Variants in GRID1 observed in about 807,000 individuals in gnomAD.
GRID1 encodes the protein glutamate ionotropic receptor delta type subunit 1.
A neutral mutation model predicts 98.0 loss-of-function variants in GRID1; 28 were observed. That is an observed-to-expected ratio of 0.29 (90% CI 0.21 to 0.39). The LOEUF is 0.39. GRID1 is among the 10% of genes least tolerant of loss of function. The pLI is 1.00. For synonymous variants in GRID1, 553 were observed against 538.5 expected, an observed-to-expected ratio of 1.03 and a Z score of -0.37; for missense variants, 1,111 against 1,340.5, an observed-to-expected ratio of 0.83 and a Z score of 2.67.
chr10:86,033,012 G>T (rs1304038978), intron 4 of GRID1, among the ~76,000 whole-genome samples: 1 of 151,736 alleles, frequency 6.6e-6, no homozygotes, highest in Non-Finnish European at 1.5e-5. Flanking sequence ...GGAGGGAGAA[G>T]AAATTTTGCA....
intron 2 of GRID1, among the ~76,000 whole-genome samples, chr10:86,341,342 G>A (rs917124242): frequency 5.9e-5 from 9 of 152,118 alleles, no homozygotes; most frequent in African/African-American, 1.9e-4. Flanking sequence ...AAACAGTCCC[G>A]GAGGATGGAG....
At chr10:85,918,466 G>A (rs1479279832) in intron 4 of GRID1, among the ~76,000 whole-genome samples, 1 of 152,220 alleles carries the variant, frequency 6.6e-6, no homozygotes, top group East Asian at 1.9e-4. Context: ...GGAAAGGAGG[G>A]TGTGGGAGGA....
intron 4 of GRID1, among the ~76,000 whole-genome samples, chr10:86,070,994 G>A (rs990374143): frequency 5.3e-5 from 8 of 152,182 alleles, no homozygotes; most frequent in African/African-American, 1.9e-4. Context: ...CTGACCCCAA[G>A]CTGACACACT....
At chr10:85,976,577 T>TCTAG (rs1842475933) in intron 4 of GRID1, among the ~76,000 whole-genome samples, 1 of 152,178 alleles carries the variant, frequency 6.6e-6, no homozygotes, top group South Asian at 2.1e-4. Flanking sequence ...GACCTACCCA[T>TCTAG]CTAGCTCCCC....
intron 14 of GRID1, among the ~76,000 whole-genome samples, chr10:85,617,959 C>A (rs1842811047): frequency 6.6e-6 from 1 of 152,202 alleles, no homozygotes; most frequent in South Asian, 2.1e-4. Flanking sequence ...AAGGACATCT[C>A]ACTCCTTCTG....
chr10:86,112,496 A>G (rs1427842134), intron 4 of GRID1, among the ~76,000 whole-genome samples: 1 of 151,784 alleles, frequency 6.6e-6, no homozygotes, highest in African/African-American at 2.4e-5. Flanking sequence ...GCAATGAAAT[A>G]GGTTCCAAAT....
intron 4 of GRID1, among the ~76,000 whole-genome samples, chr10:85,947,758 T>G (rs940935318): frequency 6.6e-6 from 1 of 152,248 alleles, no homozygotes; most frequent in Non-Finnish European, 1.5e-5. Flanking sequence ...TATGAAAGCC[T>G]TATTTCCTTC....
chr10:85,777,355 A>C (rs1842341734), intron 8 of GRID1, among the ~76,000 whole-genome samples: 1 of 152,212 alleles, frequency 6.6e-6, no homozygotes, highest in South Asian at 2.1e-4. Context: ...AAATCCATTC[A>C]TATCTTCTAG....
chr10:85,832,029 CA>C (rs1842871449), intron 8 of GRID1, among the ~76,000 whole-genome samples: 1 of 150,482 alleles, frequency 6.6e-6, no homozygotes, highest in Non-Finnish European at 1.5e-5. Flanking sequence ...GGGATGAAAA[CA>C]ACAAAAATCA....
intron 8 of GRID1, among the ~76,000 whole-genome samples, chr10:85,835,517 G>A (rs1321946669): frequency 6.6e-6 from 1 of 152,200 alleles, no homozygotes; most frequent in Non-Finnish European, 1.5e-5. Context: ...CGCCAGGTAA[G>A]ACGTGATATT....
chr10:86,320,393 G>A (rs551309532), intron 2 of GRID1, among the ~76,000 whole-genome samples: 4 of 152,264 alleles, frequency 2.6e-5, no homozygotes, highest in South Asian at 2.1e-4. Context: ...CTTGCACCAC[G>A]GATGAACCTT....
intron 4 of GRID1, among the ~76,000 whole-genome samples, chr10:85,959,276 C>T (rs1842234817): frequency 6.6e-6 from 1 of 152,238 alleles, no homozygotes; most frequent in African/African-American, 2.4e-5. Context: ...CTCAATGACA[C>T]TCCTGCCCTG....
chr10:86,091,853 A>ACT (rs1844153807), intron 4 of GRID1, among the ~76,000 whole-genome samples: 1 of 152,152 alleles, frequency 6.6e-6, no homozygotes, highest in African/African-American at 2.4e-5. Context: ...AGCCGGGTAG[A>ACT]CTCGCTGGGT....
intron 8 of GRID1, among the ~76,000 whole-genome samples, chr10:85,836,436 G>T (rs1842912192): frequency 6.6e-6 from 1 of 152,078 alleles, no homozygotes; most frequent in African/African-American, 2.4e-5. Context: ...CTGAGCCCTG[G>T]GATTCATTTT....
Position 85,811,862 on chromosome 10 carries a change from C to A in GRID1, c.1233+42634G>T, listed in dbSNP as rs977853947. ...CCAGGTCCAGAAAGCTCAAAGGACC[C>A]CAAATAGATTAAACACAAACACATC... On this transcript the variant is annotated intron_variant, in intron 8 of 15. Coordinates refer to ENST00000327946, the MANE Select transcript of GRID1 (RefSeq NM_017551.3). Among the ~76,000 whole-genome samples, 5 of 152,148 alleles carry A rather than the reference C, an allele frequency of 3.3e-5. No homozygotes were observed. In the East Asian group the frequency reaches 9.7e-4, roughly 29 times the overall value.
At chr10:86,274,058 A>C (rs569642170) in intron 2 of GRID1, among the ~76,000 whole-genome samples, 2 of 152,342 alleles carry the variant, frequency 1.3e-5, no homozygotes, top group South Asian at 4.1e-4. Flanking sequence ...CTAATGTTTA[A>C]GTATTTAATC....
At chr10:86,304,113 C>A (rs1038824711) in intron 2 of GRID1, among the ~76,000 whole-genome samples, 6 of 152,178 alleles carry the variant, frequency 3.9e-5, no homozygotes, top group Non-Finnish European at 8.8e-5. Flanking sequence ...TCAAGAGGGG[C>A]CCAAGGGCCT....
At chr10:85,794,971 T>C (rs1842513313) in intron 8 of GRID1, among the ~76,000 whole-genome samples, 1 of 152,120 alleles carries the variant, frequency 6.6e-6, no homozygotes, top group African/African-American at 2.4e-5. Context: ...AGATGACACA[T>C]TCTCCCCCAA....
At chr10:85,915,077 T>C (rs1338621411) in intron 5 of GRID1, among the ~76,000 whole-genome samples, 2 of 152,108 alleles carry the variant, frequency 1.3e-5, no homozygotes, top group Admixed American at 1.3e-4. Flanking sequence ...GCCACCACGA[T>C]CCCTGGTGTT....
Sources: allele counts gnomAD v4.1 joint callset (sites outside exome capture counted in the v4.1 genomes callset), GRCh38; gene constraint gnomAD v4.1.1; transcripts MANE v1.5; gene names NCBI Gene and HGNC (gene_info 2026-07-23, HGNC 2026-07-21).